MPP7: variants seen among roughly 807,000 people sequenced by gnomAD.
MPP7 encodes MAGUK p55 scaffold protein 7, also known as MAGUK p55 subfamily member 7.
MPP7 carries 60 observed loss-of-function variants against 76.5 expected under a neutral mutation model. The ratio of observed to expected loss-of-function variants is 0.78; its 90% CI spans 0.64 to 0.97. The LOEUF (loss-of-function observed/expected upper bound fraction) is 0.97, where lower values mean the gene tolerates loss of function less well. Among genes scored for constraint, MPP7 ranks in the 50% least tolerant of loss-of-function variants. MPP7 has a pLI of 0.00. For synonymous variants in MPP7, 237 were observed against 244.5 expected (o/e 0.97, Z 0.29); for missense variants, 641 against 694.0 (o/e 0.92, Z 0.86).
chr10:28,198,708 G>A (rs756333592), intron 3 of MPP7, among the ~76,000 whole-genome samples: 4 of 151,730 alleles, frequency 2.6e-5, no homozygotes, highest in Non-Finnish European at 4.4e-5. Context: ...AAAATAAAAT[G>A]TAAAATAAGT....
intron 1 of MPP7, among the ~76,000 whole-genome samples, chr10:28,277,283 T>C (rs1207451064): frequency 6.6e-6 from 1 of 151,730 alleles, no homozygotes. Flanking sequence ...TCCAATCTTT[T>C]GGCTTTCCTG....
chr10:28,310,538 G>A (rs1292081919), intron 2 of MPP7, among the ~76,000 whole-genome samples: 1 of 152,016 alleles, frequency 6.6e-6, no homozygotes, highest in Non-Finnish European at 1.5e-5. Flanking sequence ...CCATAAACAT[G>A]TGCATATGCA....
At chr10:28,137,507 G>C (rs926388173) in intron 5 of MPP7, among the ~76,000 whole-genome samples, 2 of 152,196 alleles carry the variant, frequency 1.3e-5, no homozygotes, top group African/African-American at 2.4e-5. Context: ...TATGATAATT[G>C]ACAGGCAATA....
intron 12 of MPP7, among the ~76,000 whole-genome samples, chr10:28,082,348 T>A (rs1194394993): frequency 6.6e-6 from 1 of 152,194 alleles, no homozygotes; most frequent in East Asian, 1.9e-4. Flanking sequence ...TATCTTATTA[T>A]GTTTAGTTAA....
intron 2 of MPP7, among the ~76,000 whole-genome samples, chr10:28,237,671 C>A (rs958982575): frequency 2.6e-5 from 4 of 152,124 alleles, no homozygotes; most frequent in Non-Finnish European, 5.9e-5. Context: ...TCTGAGACAG[C>A]CACCTCAGCT....
chr10:28,249,943 A>G (rs1242506622), intron 1 of MPP7, among the ~76,000 whole-genome samples: 1 of 152,164 alleles, frequency 6.6e-6, no homozygotes, highest in African/African-American at 2.4e-5. Flanking sequence ...GTTGATGAAA[A>G]AAGTGTCCTT....
chr10:28,302,362 C>T (rs1446592643), intron 1 of MPP7, among the ~76,000 whole-genome samples: 1 of 152,206 alleles, frequency 6.6e-6, no homozygotes, highest in East Asian at 1.9e-4. Flanking sequence ...ATAATGCTAT[C>T]GTGTAGATTA....
chr10:28,184,753 T>C (rs1219335888), intron 3 of MPP7, among the ~76,000 whole-genome samples: 2 of 147,716 alleles, frequency 1.4e-5, no homozygotes, highest in Non-Finnish European at 3.0e-5. Context: ...ATAATTAATA[T>C]ATATCATTAA....
intron 1 of MPP7, among the ~76,000 whole-genome samples, chr10:28,283,002 C>T (rs1840715204): frequency 6.6e-6 from 1 of 151,958 alleles, no homozygotes; most frequent in Admixed American, 6.6e-5. Context: ...AACTTTTAAT[C>T]TTTTACATGA....
At chr10:28,256,327 G>GAA (rs200425685) in intron 1 of MPP7, among the ~76,000 whole-genome samples, 83 of 99,952 alleles carry the variant, frequency 8.3e-4, no homozygotes, top group African/African-American at 2.7e-3. Context: ...TGCTTTCAGG[G>GAA]AAAAAAAAAA....
At chr10:28,298,415 A>G (rs1841080070) in intron 1 of MPP7, among the ~76,000 whole-genome samples, 2 of 152,174 alleles carry the variant, frequency 1.3e-5, no homozygotes, top group South Asian at 4.1e-4. Flanking sequence ...CTCTTGGGTG[A>G]CCAGGTGCAT....
At chr10:28,110,712 T>C (rs1175491643) in intron 11 of MPP7, among the ~76,000 whole-genome samples, 1 of 152,160 alleles carries the variant, frequency 6.6e-6, no homozygotes, top group Non-Finnish European at 1.5e-5. Context: ...GTGGGGTACT[T>C]AATATTTTAG....
At chr10:28,084,827 G>C (rs1379570101) in intron 12 of MPP7, among the ~76,000 whole-genome samples, 1 of 152,128 alleles carries the variant, frequency 6.6e-6, no homozygotes, top group African/African-American at 2.4e-5. Flanking sequence ...ATTTTAAGGA[G>C]CAGGGCAGTG....
chr10:28,097,973 C>G (rs1322022630), intron 11 of MPP7, among the ~76,000 whole-genome samples: 1 of 152,134 alleles, frequency 6.6e-6, no homozygotes, highest in Non-Finnish European at 1.5e-5. Context: ...AAAACTTGGA[C>G]AGTTGCAATT....
At chr10:28,057,853 G>C in intron 15 of MPP7, 2 of 1,240,258 alleles carry the variant, frequency 1.6e-6, no homozygotes, top group Non-Finnish European at 2.1e-6. Context: ...ATGGTCCCTG[G>C]GGGATGAGGA....
chr10:28,186,085 G>A (rs1018541119), intron 3 of MPP7, among the ~76,000 whole-genome samples: 4 of 152,090 alleles, frequency 2.6e-5, no homozygotes, highest in African/African-American at 4.8e-5. Flanking sequence ...GGTGACTCAC[G>A]CCTATAATCT....
intron 1 of MPP7, among the ~76,000 whole-genome samples, chr10:28,270,875 G>A (rs1321719132): frequency 1.3e-5 from 2 of 152,084 alleles, no homozygotes; most frequent in Non-Finnish European, 2.9e-5. Context: ...CTTTCCTCCA[G>A]GGACATTAAA....
chr10:28,078,780 A>T (rs1040938271), intron 12 of MPP7, among the ~76,000 whole-genome samples: 1 of 152,222 alleles, frequency 6.6e-6, no homozygotes, highest in African/African-American at 2.4e-5. Flanking sequence ...CTTTTTATGC[A>T]TTTAATTAGT....
intron 1 of MPP7, among the ~76,000 whole-genome samples, chr10:28,261,551 T>C (rs777546277): frequency 2.0e-5 from 3 of 152,058 alleles, no homozygotes; most frequent in Non-Finnish European, 4.4e-5. Context: ...TCTGCTGACC[T>C]CCAAATACAT....
Sources: allele counts gnomAD v4.1 joint callset (sites outside exome capture counted in the v4.1 genomes callset), GRCh38; gene constraint gnomAD v4.1.1; transcripts MANE v1.5; gene names NCBI Gene and HGNC (gene_info 2026-07-23, HGNC 2026-07-21).